SLC24A4: variants seen among roughly 807,000 people sequenced by gnomAD.
SLC24A4 encodes solute carrier family 24 member 4, also known as sodium/potassium/calcium exchanger 4.
A neutral mutation model predicts 79.0 loss-of-function variants in SLC24A4; 53 were observed. The observed-to-expected ratio is 0.67, with a 90% confidence interval of 0.54 to 0.84. The LOEUF is 0.84. Among genes scored for constraint, SLC24A4 ranks in the 40% least tolerant of loss-of-function variants. SLC24A4 has a pLI of 0.00. For missense variants in SLC24A4, 731 were observed against 822.0 expected (o/e 0.89, Z 1.35); for synonymous variants, 323 against 323.8 (o/e 1.00, Z 0.03).
At position 92,497,169 on chromosome 14, in the gene SLC24A4, T is replaced by A. The variant is rs4900133; in HGVS notation, c.*3541T>A. 93,471 of 152,074 alleles carry A rather than the reference T, an allele frequency of 0.61. 29,605 individuals carry two copies. The highest frequency in any genetic ancestry group is 0.68 in the Non-Finnish European group (46,602 of 68,078). The allele number at this position is 152,074 out of a possible 1,614,324, so 9.4% of individuals were successfully genotyped here. ...GGACTGTTTCTTGCTTTTGCCCCTGTCGGTCCCCTGCCTTAACAGACCTAA... is the reference window on the plus strand; with the variant it reads ...GGACTGTTTCTTGCTTTTGCCCCTGACGGTCCCCTGCCTTAACAGACCTAA... On this transcript the variant is annotated 3_prime_UTR_variant, in exon 17 of 17. Transcript: ENST00000532405.
At chr14:92,443,309 G>T in intron 6 of SLC24A4, 91 bp from the exon 7 acceptor site, 1 of 1,193,584 alleles carries the variant, frequency 8.4e-7, no homozygotes. Flanking sequence ...CTGTGGGCAT[G>T]CCCTGCACTG....
At chr14:92,378,736 G>A (rs1888658943) in intron 2 of SLC24A4, among the ~76,000 whole-genome samples, 1 of 152,198 alleles carries the variant, frequency 6.6e-6, no homozygotes, top group South Asian at 2.1e-4. Flanking sequence ...CAGCAATGAA[G>A]CAGATGTTTT....
At chr14:92,465,711 G>A (rs1894068565) in intron 12 of SLC24A4, among the ~76,000 whole-genome samples, 1 of 152,070 alleles carries the variant, frequency 6.6e-6, no homozygotes, top group Admixed American at 6.5e-5. Context: ...GTGAGAAGGA[G>A]ACCAAGCCAA....
chr14:92,413,384 C>G (rs1890824523), intron 2 of SLC24A4, among the ~76,000 whole-genome samples: 1 of 152,172 alleles, frequency 6.6e-6, no homozygotes, highest in South Asian at 2.1e-4. Context: ...AAGTGTCTCT[C>G]TTTCCACCTG....
chr14:92,487,031 T>C lies in SLC24A4; in HGVS notation c.1537+251T>C, dbSNP rs193268025. 4.0e-3 allele frequency among the ~76,000 whole-genome samples: 611 copies of C among 152,266 alleles called. 4 individuals carry two copies. Among genetic ancestry groups the C allele is most frequent in the African/African-American group, 0.014 (584 of 41,532 alleles). Reference sequence around the variant, plus strand: ...TAGTGTGGTTGTATAAAAACAAAAATGTTCTGAGGTCAGCAGTCAATGTGA... The same window carrying C: ...TAGTGTGGTTGTATAAAAACAAAAACGTTCTGAGGTCAGCAGTCAATGTGA... On this transcript the variant is annotated intron_variant, in intron 14 of 16. Coordinates refer to ENST00000532405, the MANE Select transcript of SLC24A4 (RefSeq NM_153646.4).
intron 1 of SLC24A4, among the ~76,000 whole-genome samples, chr14:92,324,925 T>C (rs1885040129): frequency 6.6e-6 from 1 of 152,216 alleles, no homozygotes; most frequent in African/African-American, 2.4e-5. Context: ...TGGAACTTGA[T>C]TAAAGTTTTC....
chr14:92,432,912 G>C (rs1474879678), intron 2 of SLC24A4, among the ~76,000 whole-genome samples: 1 of 152,198 alleles, frequency 6.6e-6, no homozygotes, highest in Non-Finnish European at 1.5e-5. Flanking sequence ...AATGAACTAG[G>C]TGTCATTCCC....
chr14:92,478,254 T>C (rs953706686), intron 12 of SLC24A4, among the ~76,000 whole-genome samples: 4 of 152,330 alleles, frequency 2.6e-5, no homozygotes, highest in African/African-American at 9.6e-5. Flanking sequence ...GTTGTGCTCA[T>C]GTTATTTTAT....
At chr14:92,433,593 T>C (rs570273424) in intron 2 of SLC24A4, among the ~76,000 whole-genome samples, 12 of 152,224 alleles carry the variant, frequency 7.9e-5, no homozygotes, top group African/African-American at 1.9e-4. Flanking sequence ...CGTATCCTTG[T>C]CAACACTTAC....
At chr14:92,470,873 G>A (rs544522469) in intron 12 of SLC24A4, among the ~76,000 whole-genome samples, 1 of 152,352 alleles carries the variant, frequency 6.6e-6, no homozygotes, top group Admixed American at 6.5e-5. Context: ...ATGGTGGCAG[G>A]TTCCCTGAGA....
chr14:92,413,517 T>C (rs1890831538), intron 2 of SLC24A4, among the ~76,000 whole-genome samples: 1 of 152,148 alleles, frequency 6.6e-6, no homozygotes, highest in South Asian at 2.1e-4. Flanking sequence ...CATTTAAACC[T>C]CTCCCCACGG....
intron 2 of SLC24A4, among the ~76,000 whole-genome samples, chr14:92,366,998 G>A (rs187598361): frequency 2.4e-4 from 37 of 152,270 alleles, no homozygotes; most frequent in East Asian, 1.9e-3. Flanking sequence ...GTTGAGGAGC[G>A]TGCTTTCTGC....
Position 92,491,068 on chromosome 14 carries a change from C to T in SLC24A4, c.1538-597C>T, listed in dbSNP as rs535650290. On this transcript the variant is annotated intron_variant, in intron 14 of 16. Transcript: ENST00000532405. ...CTGTTCACACATTGTTCGAGTCACCCCAAGATCGTTCTGGCATGCTGAGCT... is the reference window on the plus strand; with the variant it reads ...CTGTTCACACATTGTTCGAGTCACCTCAAGATCGTTCTGGCATGCTGAGCT... Among the ~76,000 whole-genome samples, 6 of 152,280 alleles carry T rather than the reference C, an allele frequency of 3.9e-5. No individual in the cohort carries two copies. In the South Asian group the frequency reaches 1.2e-3, roughly 32 times the overall value.
At chr14:92,360,761 G>A (rs1887462023) in intron 2 of SLC24A4, among the ~76,000 whole-genome samples, 1 of 152,180 alleles carries the variant, frequency 6.6e-6, no homozygotes, top group Non-Finnish European at 1.5e-5. Flanking sequence ...GGAGTCATTT[G>A]CCAGGTTGGC....
intron 12 of SLC24A4, among the ~76,000 whole-genome samples, chr14:92,466,017 C>A (rs1203855879): frequency 6.6e-6 from 1 of 152,198 alleles, no homozygotes; most frequent in African/African-American, 2.4e-5. Flanking sequence ...CTTCTCTTTG[C>A]CCCTCTAATG....
chr14:92,472,103 A>G (rs755026339), intron 12 of SLC24A4, among the ~76,000 whole-genome samples: 5 of 152,182 alleles, frequency 3.3e-5, no homozygotes, highest in East Asian at 1.9e-4. Flanking sequence ...AAAGCAATCA[A>G]TCCAAAGCCC....
chr14:92,386,338 T>G (rs571379330), intron 2 of SLC24A4, among the ~76,000 whole-genome samples: 35 of 152,140 alleles, frequency 2.3e-4, no homozygotes, highest in Non-Finnish European at 3.8e-4. Flanking sequence ...TTTTCTCAGC[T>G]GTAAAATGGG....
intron 12 of SLC24A4, among the ~76,000 whole-genome samples, chr14:92,456,812 C>T (rs1168587351): frequency 2.6e-5 from 4 of 152,188 alleles, no homozygotes; most frequent in Admixed American, 2.6e-4. Flanking sequence ...GGGGTGCGGG[C>T]ACCACCAAGT....
intron 2 of SLC24A4, among the ~76,000 whole-genome samples, chr14:92,349,820 T>C (rs185545325): frequency 1.7e-4 from 26 of 152,240 alleles, no homozygotes; most frequent in Admixed American, 1.6e-3. Flanking sequence ...TTTCAAATCC[T>C]GTCTGTGGCT....
Sources: allele counts gnomAD v4.1 joint callset (sites outside exome capture counted in the v4.1 genomes callset), GRCh38; gene constraint gnomAD v4.1.1; transcripts MANE v1.5; gene names NCBI Gene and HGNC (gene_info 2026-07-23, HGNC 2026-07-21).